The following TUSC3 variants were observed in gnomAD, a reference collection of about 807,000 sequenced individuals.
TUSC3 encodes dolichyl-diphosphooligosaccharide--protein glycosyltransferase subunit TUSC3.
TUSC3 carries 45 observed loss-of-function variants against 44.8 expected under a neutral mutation model. The observed-to-expected ratio is 1.00, with a 90% CI of 0.79 to 1.29. The LOEUF (loss-of-function observed/expected upper bound fraction) is 1.29. Among genes scored for constraint, TUSC3 ranks in the 50% most tolerant of loss-of-function variants. The pLI, the probability that TUSC3 is intolerant of heterozygous loss-of-function variation, is 0.00. For missense variants in TUSC3, 519 were observed against 437.9 expected (o/e 1.19, Z -1.65); for synonymous variants, 212 against 152.9 (o/e 1.39, Z -2.85).
chr8:15,622,819 T>C (rs11994654), intron 1 of TUSC3, among the ~76,000 whole-genome samples: 8 of 151,612 alleles, frequency 5.3e-5, no homozygotes, highest in East Asian at 1.9e-4. Context: ...TCTTTTTTTT[T>C]ATGTCAACCC....
chr8:15,814,143 G>T, the TUSC3 span, among the ~76,000 whole-genome samples: 1 of 152,118 alleles, frequency 6.6e-6, no homozygotes, highest in African/African-American at 2.4e-5. Flanking sequence ...CATAGCATCA[G>T]CAGGTTTCTC....
At chr8:15,470,812 C>A (rs894017405) in intron 1 of TUSC3, among the ~76,000 whole-genome samples, 1 of 152,072 alleles carries the variant, frequency 6.6e-6, no homozygotes, top group African/African-American at 2.4e-5. Context: ...CAGGAAATTG[C>A]TGTGTCTACA....
intron 2 of TUSC3, among the ~76,000 whole-genome samples, chr8:15,516,742 C>G (rs545743044): frequency 6.6e-6 from 1 of 152,100 alleles, no homozygotes; most frequent in Non-Finnish European, 1.5e-5. Context: ...TCATTTACTA[C>G]TCCTGTAATG....
At chr8:15,806,044 A>G in the TUSC3 span, 21 of 253,466 alleles carry the variant, frequency 8.3e-5, no homozygotes, top group Non-Finnish European at 1.5e-4. Flanking sequence ...CCCATGTCAT[A>G]TCCCCTTCCT....
At chr8:15,488,121 T>C (rs577241211) in intron 2 of TUSC3, among the ~76,000 whole-genome samples, 10 of 152,228 alleles carry the variant, frequency 6.6e-5, no homozygotes, top group Admixed American at 2.6e-4. Context: ...ATTCTTTGAC[T>C]CTAAGTCCCC....
the TUSC3 span, among the ~76,000 whole-genome samples, chr8:15,838,912 A>C: frequency 1.3e-5 from 2 of 152,258 alleles, no homozygotes; most frequent in Non-Finnish European, 2.9e-5. Context: ...TTGGTAGCTC[A>C]ATGGGGATGG....
chr8:15,556,227 G>A (rs1246151774), intron 1 of TUSC3, among the ~76,000 whole-genome samples: 4 of 138,290 alleles, frequency 2.9e-5, no homozygotes, highest in Admixed American at 1.6e-4. Flanking sequence ...TCATTGTTCA[G>A]TCCCCACCTA....
intron 2 of TUSC3, among the ~76,000 whole-genome samples, chr8:15,492,648 C>A (rs1056806955): frequency 1.3e-5 from 2 of 151,854 alleles, no homozygotes; most frequent in African/African-American, 4.8e-5. Flanking sequence ...TAAAATGTCA[C>A]GTAACAGGCT....
intron 5 of TUSC3, among the ~76,000 whole-genome samples, chr8:15,665,804 A>C (rs1807631845): frequency 6.6e-6 from 1 of 151,366 alleles, no homozygotes; most frequent in African/African-American, 2.4e-5. Context: ...AGATATTCAT[A>C]AGTAAATCTT....
In TUSC3 at chr8:15,575,713, G is replaced by A. The variant is rs964291524; in HGVS notation, c.138+35145G>A. Among the ~76,000 whole-genome samples, 2 of 152,164 alleles carry A rather than the reference G, an allele frequency of 1.3e-5. 1 individual carries two copies. Among genetic ancestry groups the A allele is most frequent in the Non-Finnish European group, 2.9e-5 (2 of 68,040 alleles). ...ACCCAGGAGGTGGAGGTTGCAGTCAGCTGAGATTGTTCCACTGCACTCCAG... is the reference window on the plus strand; with the variant it reads ...ACCCAGGAGGTGGAGGTTGCAGTCAACTGAGATTGTTCCACTGCACTCCAG... On this transcript the variant is annotated intron_variant, in intron 1 of 10. Coordinates refer to ENST00000503731, the MANE Select transcript of TUSC3 (RefSeq NM_006765.4).
intron 6 of TUSC3, among the ~76,000 whole-genome samples, chr8:15,675,321 T>C (rs1458323379): frequency 1.3e-5 from 2 of 152,184 alleles, no homozygotes; most frequent in African/African-American, 4.8e-5. Context: ...TAAAACATAT[T>C]AAGGCATTGC....
At chr8:15,498,031 C>T (rs943670625) in intron 2 of TUSC3, among the ~76,000 whole-genome samples, 5 of 152,046 alleles carry the variant, frequency 3.3e-5, no homozygotes, top group Non-Finnish European at 5.9e-5. Flanking sequence ...ATTACAGGCA[C>T]GAGCCACTGT....
intron 1 of TUSC3, among the ~76,000 whole-genome samples, chr8:15,563,583 G>C (rs1035905969): frequency 1.3e-5 from 2 of 151,152 alleles, no homozygotes; most frequent in African/African-American, 4.9e-5. Flanking sequence ...CTACTCAGGA[G>C]GCTGAGGCAG....
upstream of TUSC3, among the ~76,000 whole-genome samples, chr8:15,535,842 T>G (rs111526743): frequency 7.0e-4 from 106 of 152,284 alleles, no homozygotes; most frequent in Middle Eastern, 3.4e-3. Context: ...GATCAGAGCC[T>G]TGACCTGAAT....
intron 1 of TUSC3, among the ~76,000 whole-genome samples, chr8:15,594,716 A>G (rs1803992062): frequency 6.6e-6 from 1 of 152,130 alleles, no homozygotes; most frequent in African/African-American, 2.4e-5. Context: ...GTCCTCTGTG[A>G]GTGCTGGATA....
intron 2 of TUSC3, among the ~76,000 whole-genome samples, chr8:15,629,638 G>A (rs994178086): frequency 1.4e-5 from 2 of 144,338 alleles, no homozygotes; most frequent in Admixed American, 7.1e-5. Context: ...TAACACTGCC[G>A]TAATCTTTAT....
intron 4 of TUSC3, 145 bp downstream of exon 4, chr8:15,659,792 A>G (rs1807337985): frequency 9.5e-7 from 1 of 1,055,280 alleles, no homozygotes; most frequent in Non-Finnish European, 1.4e-6. Flanking sequence ...ACTGCAAATG[A>G]TAAGTTGGAC....
intron 1 of TUSC3, among the ~76,000 whole-genome samples, chr8:15,573,200 C>CTA (rs756046911): frequency 1.2e-3 from 124 of 99,538 alleles, no homozygotes; most frequent in African/African-American, 1.9e-3. Context: ...CTCTCTCTCT[C>CTA]TCTATATATA....
In TUSC3 at chr8:15,568,775, T is replaced by TA. The variant is rs1010043525; in HGVS notation, c.138+28217dup. On this transcript the variant is annotated intron_variant, in intron 1 of 10. Transcript: ENST00000503731. ...TGCCACCACACATGGCTAATTTTTG[T>TA]AAAAAAAAAATGTAAATTCTTATTG... is the stretch of plus-strand genomic sequence containing the variant. Among the ~76,000 whole-genome samples the TA allele has an allele frequency of 2.2e-3, 327 of 148,912 alleles. 1 individual carries two copies. The highest frequency in any genetic ancestry group is 7.1e-3 in the African/African-American group (289 of 40,700).
Sources: allele counts gnomAD v4.1 joint callset (sites outside exome capture counted in the v4.1 genomes callset), GRCh38; gene constraint gnomAD v4.1.1; transcripts MANE v1.5; gene names NCBI Gene and HGNC (gene_info 2026-07-23, HGNC 2026-07-21).